PCOLCE2: variants seen among roughly 807,000 people sequenced by gnomAD.
PCOLCE2 encodes the protein procollagen C-proteinase enhancer 2.
PCOLCE2 carries 42 observed loss-of-function variants against 47.0 expected under a neutral mutation model. That is an observed-to-expected ratio of 0.89 (90% CI 0.70 to 1.16). The LOEUF is 1.16. Among genes scored for constraint, PCOLCE2 ranks in the 50% most tolerant of loss-of-function variants. The pLI is 0.00. For synonymous variants in PCOLCE2, 169 were observed against 191.7 expected, an observed-to-expected ratio of 0.88 and a Z score of 0.98; for missense variants, 500 against 526.1, an observed-to-expected ratio of 0.95 and a Z score of 0.49.
At position 142,838,878 on chromosome 3, in the gene PCOLCE2, T is replaced by C; in HGVS notation, c.602A>G (p.Asp201Gly). 1.2e-6 allele frequency: 2 copies of C among 1,612,484 alleles called. No homozygotes were observed. Among genetic ancestry groups the C allele is most frequent in the Non-Finnish European group, 8.5e-7 (1 of 1,178,516 alleles). ...QLIELKFEKF[D>G]VERDNYCRYD... ...TCGGCAGTAGTTATCTCGCTCCACATCAAACTTCTCAAACTTTAATTCTAT... is the reference window on the plus strand; with the variant it reads ...TCGGCAGTAGTTATCTCGCTCCACACCAAACTTCTCAAACTTTAATTCTAT... Residue 201 changes from aspartate (D) to glycine (G), a missense_variant, in exon 5 of 9, where the codon GAT becomes GGT. By Grantham distance (94) the Asp-to-Gly change is moderately conservative. Transcript: ENST00000295992.
chr3:142,830,720 C>A (rs938002705), intron 5 of PCOLCE2, among the ~76,000 whole-genome samples: 25 of 152,128 alleles, frequency 1.6e-4, no homozygotes, highest in Non-Finnish European at 1.2e-4. Flanking sequence ...AAGATAGTTT[C>A]ATTTAAGTTT....
At chr3:142,823,333 A>T (rs1332173349) in intron 7 of PCOLCE2, among the ~76,000 whole-genome samples, 199 bp downstream of exon 7, 1 of 152,242 alleles carries the variant, frequency 6.6e-6, no homozygotes, top group East Asian at 1.9e-4. Context: ...ATATGAAAAA[A>T]GTATATTTTC....
intron 5 of PCOLCE2, among the ~76,000 whole-genome samples, chr3:142,834,249 C>T (rs1480144939): frequency 6.6e-6 from 1 of 152,194 alleles, no homozygotes; most frequent in African/African-American, 2.4e-5. Flanking sequence ...AGGTTCTTCT[C>T]CTTCAGAACT....
chr3:142,848,471 A>T lies in PCOLCE2; in HGVS notation c.194T>A (p.Val65Asp). Residue 65 changes from valine (V) to aspartate (D), a missense_variant and splice_region_variant, in exon 3 of 9, where the codon GTT becomes GAT. Physicochemically the swap from Val to Asp is radical, Grantham distance 152 (BLOSUM62 -3). Transcript: ENST00000295992. ...PNSKCTWKIT[V>D]PEGKVVVLNF... is the part of the protein sequence containing the mutation. The stretch of plus-strand genomic sequence containing the variant: ...GAGAACGACTACTTTTCCTTCGGGA[A>T]CCTGCCAAGAAAAGCGCCAATTAGA... 6.3e-7 allele frequency: 1 copy of T among 1,593,866 alleles called. No homozygotes were observed. The highest frequency in any genetic ancestry group is 8.6e-7 in the Non-Finnish European group (1 of 1,165,900).
intron 5 of PCOLCE2, among the ~76,000 whole-genome samples, chr3:142,830,257 C>A (rs1408960037): frequency 1.3e-5 from 2 of 152,132 alleles, no homozygotes; most frequent in Admixed American, 6.5e-5. Context: ...TCATGATTTG[C>A]CTGATTGGGA....
chr3:142,829,212 A>C (rs1341161208), intron 6 of PCOLCE2, among the ~76,000 whole-genome samples: 12 of 145,054 alleles, frequency 8.3e-5, no homozygotes, highest in African/African-American at 3.1e-4. Flanking sequence ...TTGTTGTTTA[A>C]TTTACTCCGA....
chr3:142,885,378 T>A (rs1456967837), intron 2 of PCOLCE2, among the ~76,000 whole-genome samples: 1 of 152,176 alleles, frequency 6.6e-6, no homozygotes, highest in Non-Finnish European at 1.5e-5. Flanking sequence ...GATATTTTAA[T>A]AAAAGTGATA....
chr3:142,857,860 G>A (rs1267815841), intron 2 of PCOLCE2, among the ~76,000 whole-genome samples: 1 of 152,176 alleles, frequency 6.6e-6, no homozygotes, highest in East Asian at 1.9e-4. Context: ...CAGAATCATA[G>A]GGTACTGGGC....
At chr3:142,884,719 T>G (rs1261442112) in intron 2 of PCOLCE2, among the ~76,000 whole-genome samples, 1 of 152,180 alleles carries the variant, frequency 6.6e-6, no homozygotes, top group African/African-American at 2.4e-5. Flanking sequence ...CAGTAGCAGC[T>G]TCCCTATTTG....
At chr3:142,835,801 C>T (rs1937196824) in intron 5 of PCOLCE2, among the ~76,000 whole-genome samples, 1 of 152,036 alleles carries the variant, frequency 6.6e-6, no homozygotes, top group African/African-American at 2.4e-5. Context: ...GCCACCATTC[C>T]CAGTTAATTT....
chr3:142,843,455 G>T (rs1047586535), intron 3 of PCOLCE2: 28 of 312,802 alleles, frequency 9.0e-5, no homozygotes, highest in Non-Finnish European at 1.7e-4. Context: ...GATATAGACA[G>T]CTCTCATTAC....
intron 2 of PCOLCE2, among the ~76,000 whole-genome samples, chr3:142,881,614 A>G (rs144670788): frequency 1.0e-3 from 154 of 152,326 alleles, no homozygotes; most frequent in African/African-American, 3.5e-3. Flanking sequence ...GACACTGTAC[A>G]GCATGTTCCT....
At chr3:142,853,737 T>TG (rs1267992162) in intron 2 of PCOLCE2, among the ~76,000 whole-genome samples, 3 of 152,238 alleles carry the variant, frequency 2.0e-5, no homozygotes, top group Non-Finnish European at 4.4e-5. Flanking sequence ...TCAAATCTCC[T>TG]GTAAATGCTA....
intron 6 of PCOLCE2, among the ~76,000 whole-genome samples, chr3:142,824,314 A>G (rs1395297041): frequency 6.6e-6 from 1 of 152,208 alleles, no homozygotes; most frequent in African/African-American, 2.4e-5. Flanking sequence ...GGGTATTGCT[A>G]GCATCTAGTG....
Position 142,827,747 on chromosome 3 carries a change from A to G in PCOLCE2, c.865+1945T>C, listed in dbSNP as rs545601344. The stretch of plus-strand genomic sequence containing the variant: ...GATGATGGGTGACTCTTAAATTTAA[A>G]TCTGGCTTAAATCTTTTAGTCTGGG... On this transcript the variant is annotated intron_variant, in intron 6 of 8. Transcript: ENST00000295992. 1,574 of 738,502 alleles carry G rather than the reference A, an allele frequency of 2.1e-3. 33 individuals are homozygous for G. In the South Asian group the frequency reaches 0.025, roughly 12 times the overall value. 45.7% of individuals were successfully genotyped at this position (738,502 alleles called of 1,614,324 possible).
chr3:142,842,906 A>G lies in PCOLCE2; in HGVS notation c.573+18T>C. ...ATTCACACATGCATGCTTTCTTCAC[A>G]CTTCCAGGGAATCTCACCTGATTCT... On this transcript the variant is annotated intron_variant, in intron 4 of 8. Transcript: ENST00000295992. This position sits in a 1 kb window ranked among gnomAD's most constrained non-coding sequence, Gnocchi z 4.1. 6.2e-7 allele frequency: 1 copy of G among 1,613,638 alleles called. No homozygotes were observed. The highest frequency in any genetic ancestry group is 1.1e-5 in the South Asian group (1 of 91,022).
intron 2 of PCOLCE2, among the ~76,000 whole-genome samples, chr3:142,884,969 TA>T (rs1435289966): frequency 6.6e-6 from 1 of 152,212 alleles, no homozygotes; most frequent in Admixed American, 6.5e-5. Context: ...AATTTACATT[TA>T]AATAGCCAAT....
chr3:142,888,700 C>A (rs1560144595), intron 1 of PCOLCE2, 114 bp downstream of exon 1: 3 of 603,990 alleles, frequency 5.0e-6, no homozygotes, highest in South Asian at 3.3e-5. Flanking sequence ...AGCGCAGGGT[C>A]GAGCGCTGGG....
At chr3:142,823,475 A>G (rs1317821254) in intron 7 of PCOLCE2, 57 bp downstream of exon 7, 1 of 982,884 alleles carries the variant, frequency 1.0e-6, no homozygotes, top group African/African-American at 1.6e-5. Context: ...CTTTGAGATT[A>G]AGCATGCAGC....
Sources: gnomAD v4.1 joint callset for allele counts (sites outside exome capture counted in the v4.1 genomes callset) on GRCh38, gnomAD v4.1.1 for gene constraint, Gnocchi (gnomAD v3.1) non-coding constraint, MANE v1.5 for transcripts, NCBI Gene and HGNC (gene_info 2026-07-23, HGNC 2026-07-21) for gene names.